The following GRID1 variants were observed in gnomAD, a reference collection of about 807,000 sequenced individuals.
GRID1 encodes glutamate receptor ionotropic, delta-1.
A neutral mutation model predicts 98.0 loss-of-function variants in GRID1; 28 were observed. The observed-to-expected ratio is 0.29, with a 90% CI of 0.21 to 0.39. The LOEUF (loss-of-function observed/expected upper bound fraction) is 0.39, where lower values mean the gene tolerates loss of function less well. Ranked by LOEUF, GRID1 falls within the 10% of genes least tolerant of loss-of-function variation. The pLI, the probability that GRID1 is intolerant of heterozygous loss-of-function variation, is 1.00. For missense variants in GRID1, 1,111 were observed against 1,340.5 expected (o/e 0.83, Z 2.67); for synonymous variants, 553 against 538.5 (o/e 1.03, Z -0.37).
At chr10:86,364,121 C>T (rs1394780377) in intron 1 of GRID1, 25 bp from the exon 2 acceptor site, 1 of 1,606,506 alleles carries the variant, frequency 6.2e-7, no homozygotes, top group Non-Finnish European at 8.5e-7. Flanking sequence ...GGATCAAGAC[C>T]GGACCTGGAC....
chr10:85,774,489 C>T (rs1300067550), intron 8 of GRID1, among the ~76,000 whole-genome samples: 1 of 151,332 alleles, frequency 6.6e-6, no homozygotes, highest in Non-Finnish European at 1.5e-5. Context: ...TCTAATTAAA[C>T]TAAAGAGCTT....
At chr10:85,893,418 G>A (rs973001451) in intron 5 of GRID1, among the ~76,000 whole-genome samples, 1 of 152,118 alleles carries the variant, frequency 6.6e-6, no homozygotes, top group African/African-American at 2.4e-5. Flanking sequence ...GAGAGATCCA[G>A]ATTGGAAAGG....
At chr10:85,995,138 A>G (rs979084527) in intron 4 of GRID1, among the ~76,000 whole-genome samples, 3 of 152,230 alleles carry the variant, frequency 2.0e-5, no homozygotes, top group African/African-American at 7.2e-5. Flanking sequence ...TGCTACAGCC[A>G]TAGAAAATAG....
intron 4 of GRID1, among the ~76,000 whole-genome samples, chr10:85,961,645 T>C (rs1170114326): frequency 6.6e-6 from 1 of 151,616 alleles, no homozygotes; most frequent in African/African-American, 2.4e-5. Context: ...TTTTTCTCTC[T>C]TTCCCTCCTT....
At chr10:86,240,201 T>C (rs1035359943) in intron 2 of GRID1, among the ~76,000 whole-genome samples, 2 of 152,214 alleles carry the variant, frequency 1.3e-5, no homozygotes, top group Admixed American at 6.5e-5. Context: ...CATTTCCAGA[T>C]AAGGAAACTG....
intron 4 of GRID1, among the ~76,000 whole-genome samples, chr10:85,969,140 T>C (rs1842375595): frequency 1.3e-5 from 2 of 152,344 alleles, no homozygotes; most frequent in East Asian, 1.9e-4. Context: ...TAGGAAGGTA[T>C]GTTTTATAAA....
Position 86,045,097 on chromosome 10 carries a change from G to A in GRID1, c.726+93722C>T, listed in dbSNP as rs78848236. The stretch of plus-strand genomic sequence containing the variant: ...CATATGCAAAGAGTATGTAGCAAGT[G>A]TTGTCAAGAGTCAATACTCTTGATT... On this transcript the variant is annotated intron_variant, in intron 4 of 15. Coordinates refer to ENST00000327946, the MANE Select transcript of GRID1 (RefSeq NM_017551.3). 3.9e-3 allele frequency among the ~76,000 whole-genome samples: 590 copies of A among 152,358 alleles called. 4 individuals are homozygous for A. In the East Asian group the frequency reaches 0.055, roughly 14 times the overall value.
intron 8 of GRID1, among the ~76,000 whole-genome samples, chr10:85,790,653 G>A (rs931250096): frequency 1.4e-4 from 21 of 152,162 alleles, no homozygotes; most frequent in Admixed American, 1.4e-3. Context: ...CCTCCTGGCA[G>A]GGAGCAGCCA....
chr10:86,231,941 G>GT, intron 2 of GRID1, among the ~76,000 whole-genome samples: 1 of 152,304 alleles, frequency 6.6e-6, no homozygotes, highest in Middle Eastern at 3.4e-3. Context: ...TGCTCATTGG[G>GT]TGAGGGATGG....
At chr10:85,603,674 G>A (rs920860201) in intron 15 of GRID1, among the ~76,000 whole-genome samples, 1 of 152,182 alleles carries the variant, frequency 6.6e-6, no homozygotes, top group Non-Finnish European at 1.5e-5. Context: ...AGGACCTGGT[G>A]CTCAGCAGAG....
Position 86,363,160 on chromosome 10 carries a change from G to T in GRID1, c.235+781C>A, listed in dbSNP as rs926271721. Reference sequence around the variant, plus strand: ...GCAGAGAGGAGGGAAAGCAGAGGGGGTTGCTGTCGTGAACGCCCTCGCCTC... The same window carrying T: ...GCAGAGAGGAGGGAAAGCAGAGGGGTTTGCTGTCGTGAACGCCCTCGCCTC... On this transcript the variant is annotated intron_variant, in intron 2 of 15. Coordinates refer to ENST00000327946, the MANE Select transcript of GRID1 (RefSeq NM_017551.3). Among the ~76,000 whole-genome samples, 10 of 152,374 alleles carry T rather than the reference G, an allele frequency of 6.6e-5. No homozygotes were observed. In the South Asian group the frequency reaches 1.7e-3, roughly 25 times the overall value.
chr10:85,767,015 CTT>C (rs1158906779), intron 8 of GRID1, among the ~76,000 whole-genome samples: 1 of 152,078 alleles, frequency 6.6e-6, no homozygotes. Flanking sequence ...CCATGCCCCT[CTT>C]GTTTCCTGTA....
At chr10:85,749,754 G>T (rs1451095901) in intron 8 of GRID1, among the ~76,000 whole-genome samples, 1 of 152,098 alleles carries the variant, frequency 6.6e-6, no homozygotes, top group African/African-American at 2.4e-5. Flanking sequence ...TAGAGCCTTT[G>T]TACATGCTCT....
chr10:85,743,119 C>A (rs1222872553), intron 8 of GRID1, among the ~76,000 whole-genome samples: 1 of 139,470 alleles, frequency 7.2e-6, no homozygotes, highest in East Asian at 2.3e-4. Context: ...CCCCCCCCAC[C>A]ACCCATTGAG....
At chr10:85,619,542 C>T (rs950652735) in intron 14 of GRID1, among the ~76,000 whole-genome samples, 1 of 152,152 alleles carries the variant, frequency 6.6e-6, no homozygotes, top group African/African-American at 2.4e-5. Context: ...TCCCAGATAT[C>T]CTGGGTCTGG....
intron 4 of GRID1, among the ~76,000 whole-genome samples, chr10:86,079,171 A>C (rs1843929119): frequency 1.3e-5 from 2 of 152,216 alleles, no homozygotes; most frequent in South Asian, 2.1e-4. Context: ...CACTTCCAGG[A>C]AGCCCATTAG....
intron 4 of GRID1, among the ~76,000 whole-genome samples, chr10:85,948,125 G>A (rs1182070000): frequency 6.6e-6 from 1 of 152,214 alleles, no homozygotes; most frequent in Non-Finnish European, 1.5e-5. Flanking sequence ...AAATAGTAAT[G>A]TACCATTGTC....
intron 8 of GRID1, among the ~76,000 whole-genome samples, chr10:85,830,503 T>A (rs1465881287): frequency 1.3e-5 from 2 of 151,352 alleles, no homozygotes; most frequent in Non-Finnish European, 2.9e-5. Flanking sequence ...AAAGAAACTA[T>A]CAACAGAGTA....
chr10:85,978,318 G>A (rs756618846), intron 4 of GRID1, among the ~76,000 whole-genome samples: 5 of 152,160 alleles, frequency 3.3e-5, no homozygotes, highest in East Asian at 1.9e-4. Context: ...TGCCCAAGCC[G>A]AAAAACATAT....
Sources: allele counts gnomAD v4.1 joint callset (sites outside exome capture counted in the v4.1 genomes callset), GRCh38; gene constraint gnomAD v4.1.1; transcripts MANE v1.5; gene names NCBI Gene and HGNC (gene_info 2026-07-23, HGNC 2026-07-21).